The following MCTP2 variants were observed in gnomAD, a reference collection of about 807,000 sequenced individuals.
MCTP2 encodes the protein multiple C2 and transmembrane domain-containing protein 2.
Under a neutral mutation model 111.6 loss-of-function variants are expected in MCTP2, and 132 were observed. The ratio of observed to expected loss-of-function variants is 1.18; its 90% CI spans 1.03 to 1.37. The LOEUF is 1.37. Ranked by LOEUF, MCTP2 falls within the 40% of genes most tolerant of loss-of-function variation. The pLI, the probability that MCTP2 is intolerant of heterozygous loss-of-function variation, is 0.00. For missense variants in MCTP2, 1,183 were observed against 1,067.9 expected (o/e 1.11, Z -1.50); for synonymous variants, 395 against 387.7 (o/e 1.02, Z -0.22).
rs185568888 is a variant in MCTP2 at position 94,437,440 on chromosome 15, C to T, written c.2086-2736C>T. Among the ~76,000 whole-genome samples, 393 of 151,838 alleles carry T rather than the reference C, an allele frequency of 2.6e-3. 2 individuals carry two copies. Among genetic ancestry groups the T allele is most frequent in the Non-Finnish European group, 4.5e-3 (303 of 67,856 alleles). On this transcript the variant is annotated intron_variant, in intron 17 of 22. Transcript: ENST00000357742. The stretch of plus-strand genomic sequence containing the variant: ...CGTTGCTATTTATAATAGTGTTAAA[C>T]TCCAAGTTACTTAAAAAAAATGAAA...
intron 4 of MCTP2, among the ~76,000 whole-genome samples, chr15:94,320,723 T>C (rs2076596162): frequency 6.6e-6 from 1 of 152,190 alleles, no homozygotes; most frequent in Admixed American, 6.5e-5. Flanking sequence ...AAAGGATTTA[T>C]ATGATTTCAG....
chr15:94,242,757 T>A lies in MCTP2; in HGVS notation c.-66+11093T>A, dbSNP rs190449170. On this transcript the variant is annotated intron_variant, in intron 1 of 22. Transcript: ENST00000357742. ...CCCTTTTGCATTTTTAACTAAGTTT[T>A]GAGGTCAGAAAGCGAGTATTGCACA... Among the ~76,000 whole-genome samples the A allele has an allele frequency of 6.6e-5, 10 of 151,748 alleles. No individual in the cohort carries two copies. In the East Asian group the frequency reaches 1.2e-3, roughly 18 times the overall value.
chr15:94,451,912 C>G (rs1468294193), intron 19 of MCTP2, among the ~76,000 whole-genome samples: 1 of 152,186 alleles, frequency 6.6e-6, no homozygotes, highest in Non-Finnish European at 1.5e-5. Context: ...AGGGAAGGAA[C>G]TGGTGTTTAT....
intron 21 of MCTP2, among the ~76,000 whole-genome samples, chr15:94,474,482 A>G (rs1204204897): frequency 1.3e-5 from 2 of 152,226 alleles, no homozygotes; most frequent in African/African-American, 2.4e-5. Context: ...TGATTTTTCT[A>G]AAATCACACA....
intron 4 of MCTP2, among the ~76,000 whole-genome samples, chr15:94,326,216 T>C (rs528801583): frequency 1.3e-5 from 2 of 152,326 alleles, no homozygotes; most frequent in African/African-American, 4.8e-5. Flanking sequence ...CACATTTTTC[T>C]CTGTATTATA....
intron 12 of MCTP2, among the ~76,000 whole-genome samples, chr15:94,382,421 A>G (rs1171541477): frequency 6.6e-6 from 1 of 152,208 alleles, no homozygotes; most frequent in Non-Finnish European, 1.5e-5. Context: ...TGGCTTGATC[A>G]TTGTCTACTG....
intron 17 of MCTP2, among the ~76,000 whole-genome samples, chr15:94,421,184 G>A (rs1457262453): frequency 1.3e-5 from 2 of 149,576 alleles, no homozygotes; most frequent in East Asian, 3.9e-4. Context: ...ACTTAATGTT[G>A]CAACTTACCA....
At position 94,404,908 on chromosome 15, in the gene MCTP2, G is replaced by A. The variant is rs1014106384; in HGVS notation, c.2085+2889G>A. On this transcript the variant is annotated intron_variant, in intron 17 of 22. Coordinates refer to ENST00000357742, the MANE Select transcript of MCTP2 (RefSeq NM_001385001.1). Reference sequence around the variant, plus strand: ...TCTGTCAGGGGTGACACACACTGACGGATGTTCTCCTGTGATCTGTTGACA... The same window carrying A: ...TCTGTCAGGGGTGACACACACTGACAGATGTTCTCCTGTGATCTGTTGACA... Among the ~76,000 whole-genome samples the A allele has an allele frequency of 3.9e-5, 6 of 152,136 alleles. No homozygotes were observed. The East Asian group carries it at 5.8e-4, about 15-fold the overall frequency.
chr15:94,467,235 G>T (rs1167300661), intron 20 of MCTP2, among the ~76,000 whole-genome samples: 2 of 152,054 alleles, frequency 1.3e-5, no homozygotes, highest in Non-Finnish European at 2.9e-5. Context: ...TACATTATAG[G>T]CTACAAAGTT....
At chr15:94,462,362 G>A (rs191252473) in intron 20 of MCTP2, among the ~76,000 whole-genome samples, 326 of 152,308 alleles carry the variant, frequency 2.1e-3, no homozygotes, top group Middle Eastern at 0.014. Context: ...GCCTAAGTCA[G>A]GGATTACCTT....
chr15:94,247,878 C>T (rs2072130950), intron 1 of MCTP2, among the ~76,000 whole-genome samples: 1 of 152,128 alleles, frequency 6.6e-6, no homozygotes, highest in African/African-American at 2.4e-5. Flanking sequence ...CTTCTGAATT[C>T]ATTCATTTGT....
intron 1 of MCTP2, among the ~76,000 whole-genome samples, chr15:94,251,578 C>T (rs376054925): frequency 1.4e-4 from 22 of 152,222 alleles, no homozygotes; most frequent in African/African-American, 5.1e-4. Context: ...AGGCTGGTGT[C>T]GAACTCCCGA....
chr15:94,339,515 G>A (rs2077527516), intron 5 of MCTP2, 83 bp downstream of exon 5: 1 of 1,051,074 alleles, frequency 9.5e-7, no homozygotes, highest in Non-Finnish European at 1.3e-6. Context: ...ACGTGAACTT[G>A]CCAAAATTAA....
intron 5 of MCTP2, 64 bp from the exon 6 acceptor site, chr15:94,340,135 T>C (rs1596403395): frequency 1.8e-6 from 2 of 1,106,286 alleles, no homozygotes; most frequent in Admixed American, 1.9e-5. Flanking sequence ...CATTTGTTAA[T>C]AATTTGAAAA....
intron 11 of MCTP2, among the ~76,000 whole-genome samples, chr15:94,368,982 C>T (rs541059357): frequency 3.3e-5 from 5 of 152,254 alleles, no homozygotes; most frequent in South Asian, 2.1e-4. Context: ...TTAGAGGGAA[C>T]GAATGCTGTT....
intron 11 of MCTP2, among the ~76,000 whole-genome samples, chr15:94,369,844 C>T (rs1240059004): frequency 6.6e-6 from 1 of 152,136 alleles, no homozygotes; most frequent in Admixed American, 6.6e-5. Context: ...AAAGTAGATT[C>T]GATGTGCTTC....
chr15:94,280,991 A>G (rs1043882850), intron 1 of MCTP2, among the ~76,000 whole-genome samples: 3 of 152,170 alleles, frequency 2.0e-5, no homozygotes, highest in African/African-American at 7.2e-5. Context: ...ATGGCCAAAC[A>G]TATGATGGAT....
chr15:94,269,247 TAC>T (rs895893384), intron 1 of MCTP2, among the ~76,000 whole-genome samples: 5 of 152,212 alleles, frequency 3.3e-5, no homozygotes, highest in Non-Finnish European at 7.3e-5. Flanking sequence ...AATCATGAGT[TAC>T]ACAAATCATA....
chr15:94,480,119 C>G lies in MCTP2; in HGVS notation c.*1085C>G, dbSNP rs1467987497. ...TTGATAGCATCTGTCTCCTGCAGAC[C>G]TCATCATTCCACAGTATTTCCCTGC... is the stretch of plus-strand genomic sequence containing the variant. On this transcript the variant is annotated 3_prime_UTR_variant, in exon 23 of 23. Transcript: ENST00000357742. 2.6e-5 allele frequency: 4 copies of G among 152,096 alleles called. No homozygotes were observed. Among genetic ancestry groups the G allele is most frequent in the African/African-American group, 9.7e-5 (4 of 41,410 alleles). The allele number at this position is 152,096 out of a possible 1,614,324, so 9.4% of individuals were successfully genotyped here.
Sources: allele counts gnomAD v4.1 joint callset (sites outside exome capture counted in the v4.1 genomes callset), GRCh38; gene constraint gnomAD v4.1.1; transcripts MANE v1.5; gene names NCBI Gene and HGNC (gene_info 2026-07-23, HGNC 2026-07-21).